DPP6: variants seen among roughly 807,000 people sequenced by gnomAD.
The protein encoded by DPP6 is A-type potassium channel modulatory protein DPP6.
DPP6 carries 69 observed loss-of-function variants against 122.6 expected under a neutral mutation model. The observed-to-expected ratio is 0.56, with a 90% CI of 0.46 to 0.69. DPP6 has a LOEUF of 0.69. Among genes scored for constraint, DPP6 ranks in the 30% least tolerant of loss-of-function variants. The pLI, the probability that DPP6 is intolerant of heterozygous loss-of-function variation, is 0.00. For missense variants in DPP6, 928 were observed against 1,116.9 expected (o/e 0.83, Z 2.41); for synonymous variants, 418 against 433.1 (o/e 0.97, Z 0.43).
At chr7:154,476,614 A>C (rs1302354529) in intron 3 of DPP6, among the ~76,000 whole-genome samples, 8 of 152,228 alleles carry the variant, frequency 5.3e-5, no homozygotes. Flanking sequence ...TCCCAGAGAC[A>C]GTGCACAAAC....
chr7:153,918,111 A>G (rs1243601400), intron 1 of DPP6, among the ~76,000 whole-genome samples: 6 of 152,220 alleles, frequency 3.9e-5, no homozygotes, highest in Non-Finnish European at 8.8e-5. Context: ...TAACTACCAC[A>G]TGGCACATTT....
At chr7:153,800,496 G>A in the DPP6 span, among the ~76,000 whole-genome samples, 486 of 152,262 alleles carry the variant, frequency 3.2e-3, 1 homozygote, top group Non-Finnish European at 4.8e-3. Flanking sequence ...ACATTCTAAT[G>A]TTCAACAGCA....
chr7:153,870,459 T>C, the DPP6 span, among the ~76,000 whole-genome samples: 1 of 152,262 alleles, frequency 6.6e-6, no homozygotes, highest in Non-Finnish European at 1.5e-5. Context: ...CTGAGGCTTC[T>C]GCATTCATCA....
At position 154,509,486 on chromosome 7, in the gene DPP6, T is replaced by C. The variant is rs527675060; in HGVS notation, c.458-31046T>C. Among the ~76,000 whole-genome samples, 3 of 152,222 alleles carry C rather than the reference T, an allele frequency of 2.0e-5. No homozygotes were observed. In the South Asian group the frequency reaches 6.2e-4, roughly 32 times the overall value. ...TAAAAAGTCAGATAACAAGTGTTGG[T>C]GAGAATTTGGAAAAAACAGAACCTT... On this transcript the variant is annotated intron_variant, in intron 3 of 25. Transcript: ENST00000377770.
At chr7:154,810,704 A>C (rs1393360157) in intron 16 of DPP6, among the ~76,000 whole-genome samples, 5 of 151,770 alleles carry the variant, frequency 3.3e-5, no homozygotes, top group African/African-American at 1.2e-4. Context: ...TCACACACAC[A>C]TGACTGACCC....
the DPP6 span, among the ~76,000 whole-genome samples, chr7:153,780,658 A>T: frequency 6.6e-6 from 1 of 152,192 alleles, no homozygotes; most frequent in Non-Finnish European, 1.5e-5. Flanking sequence ...GGAAAATAGG[A>T]GTAAATAACC....
At chr7:154,615,728 C>A (rs2316229) in intron 5 of DPP6, among the ~76,000 whole-genome samples, 50 of 54,288 alleles carry the variant, frequency 9.2e-4, no homozygotes, top group South Asian at 5.3e-3. Context: ...ATACACAAAA[C>A]TTTTTCATCA....
At chr7:154,044,834 A>G (rs1291052142) in intron 1 of DPP6, among the ~76,000 whole-genome samples, 1 of 152,210 alleles carries the variant, frequency 6.6e-6, no homozygotes, top group Non-Finnish European at 1.5e-5. Context: ...TATTGCATTG[A>G]AAAAGCAATG....
Position 154,023,318 on chromosome 7 carries a change from GCA to G in DPP6, c.51+135626_51+135627del, listed in dbSNP as rs1554436897. Among the ~76,000 whole-genome samples, 851 of 129,584 alleles carry G rather than the reference GCA, an allele frequency of 6.6e-3. 7 individuals carry two copies. Among genetic ancestry groups the G allele is most frequent in the East Asian group, 0.019 (79 of 4,214 alleles). The allele number at this position is 129,584 out of a possible 152,430, so 85.0% of individuals were successfully genotyped here. A position where few individuals can be genotyped will look rare whatever the true frequency, so the allele number is the denominator to read the frequency against. On this transcript the variant is annotated intron_variant, in intron 1 of 25. Coordinates refer to the DPP6 transcript ENST00000404039. ...CAGGCTCTGGAAATGTTTCTTGTCT[GCA>G]CACACACACACACACACACACACAC...
At chr7:154,591,398 G>A (rs1346993727) in intron 5 of DPP6, among the ~76,000 whole-genome samples, 4 of 152,166 alleles carry the variant, frequency 2.6e-5, no homozygotes, top group Non-Finnish European at 5.9e-5. Flanking sequence ...GGAGGATGAG[G>A]ATGATGAAGA....
chr7:154,753,372 G>A (rs1001087447), intron 8 of DPP6, among the ~76,000 whole-genome samples: 8 of 152,230 alleles, frequency 5.3e-5, no homozygotes, highest in African/African-American at 1.7e-4. Context: ...GGTGTGTGAC[G>A]AGGCCCACAG....
At chr7:153,877,657 T>A in the DPP6 span, among the ~76,000 whole-genome samples, 3 of 152,198 alleles carry the variant, frequency 2.0e-5, no homozygotes, top group Non-Finnish European at 2.9e-5. Context: ...GAAAAAATAG[T>A]ACGTATGACC....
At chr7:154,144,662 A>T (rs1164237047) in intron 1 of DPP6, among the ~76,000 whole-genome samples, 1 of 151,822 alleles carries the variant, frequency 6.6e-6, no homozygotes, top group East Asian at 1.9e-4. Flanking sequence ...TCCTTCTCAA[A>T]ATCCTTGTTT....
intron 1 of DPP6, among the ~76,000 whole-genome samples, chr7:153,951,743 T>G (rs1453111478): frequency 6.6e-6 from 1 of 152,132 alleles, no homozygotes; most frequent in African/African-American, 2.4e-5. Flanking sequence ...CCTTGGAACA[T>G]GATAATCAAG....
chr7:154,376,697 C>T (rs59907286), intron 1 of DPP6, among the ~76,000 whole-genome samples: 5,991 of 152,270 alleles, frequency 0.039, 212 homozygotes, highest in East Asian at 0.11. Flanking sequence ...GTTCTGGCTA[C>T]AGCAGATCTG....
chr7:153,810,935 C>G, the DPP6 span, among the ~76,000 whole-genome samples: 1 of 152,174 alleles, frequency 6.6e-6, no homozygotes, highest in Non-Finnish European at 1.5e-5. Context: ...TTTTGATGAA[C>G]TGTTCTATTA....
chr7:154,027,531 G>A (rs1380234958), intron 1 of DPP6, among the ~76,000 whole-genome samples: 2 of 152,090 alleles, frequency 1.3e-5, no homozygotes, highest in Non-Finnish European at 2.9e-5. Flanking sequence ...ATTCTTGTGG[G>A]CTTTATTCTC....
At chr7:154,288,153 T>C (rs989527520) in intron 1 of DPP6, among the ~76,000 whole-genome samples, 4 of 152,182 alleles carry the variant, frequency 2.6e-5, no homozygotes, top group Non-Finnish European at 5.9e-5. Context: ...TCTTACTAGT[T>C]ACTGTTGGAG....
the DPP6 span, among the ~76,000 whole-genome samples, chr7:153,771,057 G>A: frequency 6.6e-6 from 1 of 152,108 alleles, no homozygotes; most frequent in Non-Finnish European, 1.5e-5. Flanking sequence ...AAGAAATATT[G>A]GCTAAGAGTT....
Sources: allele counts gnomAD v4.1 joint callset (sites outside exome capture counted in the v4.1 genomes callset), GRCh38; gene constraint gnomAD v4.1.1; transcripts MANE v1.5; gene names NCBI Gene and HGNC (gene_info 2026-07-23, HGNC 2026-07-21).